Variants in JADE2 observed in about 807,000 individuals in gnomAD.
The protein encoded by JADE2 is E3 ubiquitin-protein ligase Jade-2.
A neutral mutation model predicts 85.7 loss-of-function variants in JADE2; 13 were observed. The observed-to-expected ratio is 0.15, with a 90% confidence interval of 0.10 to 0.24. The LOEUF (loss-of-function observed/expected upper bound fraction) is 0.24, where lower values mean the gene tolerates loss of function less well. Among genes scored for constraint, JADE2 ranks in the 10% least tolerant of loss-of-function variants. The pLI is 1.00. For synonymous variants in JADE2, 440 were observed against 456.1 expected, an observed-to-expected ratio of 0.96 and a Z score of 0.45; for missense variants, 846 against 1,115.9, an observed-to-expected ratio of 0.76 and a Z score of 3.45.
intron 6 of JADE2, among the ~76,000 whole-genome samples, chr5:134,561,975 G>A (rs1763349881): frequency 6.6e-6 from 1 of 152,148 alleles, no homozygotes; most frequent in Non-Finnish European, 1.5e-5. Context: ...GTTCACAGAG[G>A]ACTGAAATGG....
At chr5:134,530,514 G>A (rs1172812453) in intron 1 of JADE2, among the ~76,000 whole-genome samples, 1 of 152,218 alleles carries the variant, frequency 6.6e-6, no homozygotes, top group Non-Finnish European at 1.5e-5. Flanking sequence ...TGGCTGCAGT[G>A]GCAGGCCTGA....
Position 134,578,410 on chromosome 5 carries a change from G to A in JADE2, c.1682-84G>A, listed in dbSNP as rs1434441296. 6.0e-6 allele frequency: 6 copies of A among 997,270 alleles called. No homozygotes were observed. Among genetic ancestry groups the A allele is most frequent in the African/African-American group, 1.6e-5 (1 of 61,506 alleles). The allele number at this position is 997,270 out of a possible 1,614,324, so 61.8% of individuals were successfully genotyped here. The stretch of plus-strand genomic sequence containing the variant: ...GGACAGAGAGAAGACGATGCCTGGT[G>A]GTGTGCTGGGAGCGTCAGTGGGCTT... On this transcript the variant is annotated intron_variant, in intron 11 of 11. Coordinates refer to ENST00000681547, the MANE Select transcript of JADE2 (RefSeq NM_001388185.1). The surrounding 1 kb of genome is among the most constrained non-coding windows in gnomAD (Gnocchi z 4.4).
chr5:134,530,618 C>A (rs889626317), intron 1 of JADE2, among the ~76,000 whole-genome samples: 7 of 152,186 alleles, frequency 4.6e-5, no homozygotes, highest in African/African-American at 1.7e-4. Context: ...TTAAAGGGGG[C>A]TGGCATTGGG....
chr5:134,552,532 ATAAC>A (rs1401603555), intron 4 of JADE2, among the ~76,000 whole-genome samples: 7 of 152,200 alleles, frequency 4.6e-5, no homozygotes, highest in Admixed American at 2.0e-4. Context: ...AATGCTAACA[ATAAC>A]TAACCTACTC....
chr5:134,526,214 TG>T (rs1760803680), intron 1 of JADE2: 1 of 985,142 alleles, frequency 1.0e-6, no homozygotes, highest in South Asian at 4.7e-5. Flanking sequence ...TTGCGCATGT[TG>T]GTCAGTCGTG....
chr5:134,561,099 G>A, intron 6 of JADE2, 142 bp downstream of exon 6: 1 of 719,896 alleles, frequency 1.4e-6, no homozygotes, highest in Non-Finnish European at 2.3e-6. Context: ...ATGCTTCATG[G>A]TACCATGTGC....
intron 10 of JADE2, chr5:134,574,338 C>T (rs757022559): frequency 7.4e-5 from 13 of 175,494 alleles, no homozygotes; most frequent in Admixed American, 3.1e-4. Context: ...CTGAAGGAAG[C>T]GCTGACATTG....
At chr5:134,548,459 C>A (rs554961320) in intron 3 of JADE2, among the ~76,000 whole-genome samples, 134 of 152,292 alleles carry the variant, frequency 8.8e-4, no homozygotes, top group African/African-American at 3.1e-3. Context: ...AATTCAGGAA[C>A]AGCGTTTACA....
intron 10 of JADE2, chr5:134,574,858 G>A (rs944606839): frequency 6.6e-6 from 1 of 152,332 alleles, no homozygotes; most frequent in Admixed American, 6.5e-5. Flanking sequence ...TCTGGAGAGA[G>A]AGAGGAATGT....
chr5:134,544,131 A>C (rs918854654), intron 3 of JADE2, among the ~76,000 whole-genome samples: 3 of 152,228 alleles, frequency 2.0e-5, no homozygotes, highest in Non-Finnish European at 1.5e-5. Context: ...TGAGGTAGAA[A>C]GCTGCATTTT....
chr5:134,573,442 A>G (rs539326895), intron 9 of JADE2, among the ~76,000 whole-genome samples: 9 of 152,214 alleles, frequency 5.9e-5, no homozygotes, highest in African/African-American at 2.2e-4. Flanking sequence ...GTTTGGCCTT[A>G]GGTTTTGGAT....
chr5:134,535,914 C>T lies in JADE2; in HGVS notation c.57C>T (p.Asp19=). Residue 19 remains aspartate (D), a splice_region_variant and synonymous_variant, in exon 2 of 12, where the codon GAC becomes GAT. Transcript: ENST00000681547. ...GCAGTGACAACTCTGACACCACTGA[C>T]AGTAAGGCCTTCCAGTTTGGGCTCC... ...SISSDNSDTT[D]SHATSTSASR... 2 of 1,613,542 alleles carry T rather than the reference C, an allele frequency of 1.2e-6. No homozygotes were observed. Among genetic ancestry groups the T allele is most frequent in the South Asian group, 1.1e-5 (1 of 91,058 alleles).
In JADE2 at chr5:134,579,500, G is replaced by C; in HGVS notation, c.*183G>C. 1.7e-6 allele frequency: 1 copy of C among 588,876 alleles called. No individual in the cohort carries two copies. 36.5% of individuals were successfully genotyped at this position (588,876 alleles called of 1,614,324 possible). On this transcript the variant is annotated 3_prime_UTR_variant, in exon 12 of 12. Coordinates refer to ENST00000681547, the MANE Select transcript of JADE2 (RefSeq NM_001388185.1). This position sits in a 1 kb window ranked among gnomAD's most constrained non-coding sequence, Gnocchi z 4.6. ...ACACTGTTGTCTTTCCTCTGTGCTG[G>C]CCTAGGACATTAGGATTCCTTCCAC...
intron 3 of JADE2, chr5:134,544,296 GGA>G (rs1397827061): frequency 6.5e-6 from 1 of 153,438 alleles, no homozygotes; most frequent in African/African-American, 2.4e-5. Flanking sequence ...CTGTCCCTGG[GGA>G]GCTTGTCCTT....
intron 4 of JADE2, among the ~76,000 whole-genome samples, chr5:134,558,831 C>G (rs1350424610): frequency 6.6e-6 from 1 of 152,260 alleles, no homozygotes; most frequent in Non-Finnish European, 1.5e-5. Flanking sequence ...AGCCACCACG[C>G]CCAGCCTGGT....
At chr5:134,576,113 C>T (rs992185165) in intron 10 of JADE2, among the ~76,000 whole-genome samples, 2 of 152,020 alleles carry the variant, frequency 1.3e-5, no homozygotes, top group Admixed American at 6.6e-5. Context: ...GCTGGAGGAT[C>T]GCTTGAGCCT....
At chr5:134,574,868 T>G (rs1334062747) in intron 10 of JADE2, 1 of 152,294 alleles carries the variant, frequency 6.6e-6, no homozygotes, top group African/African-American at 2.4e-5. Flanking sequence ...GAGAGGAATG[T>G]GGTATCGCAG....
chr5:134,536,517 G>A (rs1296606333), intron 2 of JADE2: 1 of 152,282 alleles, frequency 6.6e-6, no homozygotes, highest in African/African-American at 2.4e-5. Flanking sequence ...GCGGGGAGGG[G>A]TGCGTGGATT....
intron 1 of JADE2, among the ~76,000 whole-genome samples, chr5:134,531,276 T>C (rs1291951824): frequency 6.6e-6 from 1 of 151,992 alleles, no homozygotes; most frequent in African/African-American, 2.4e-5. Flanking sequence ...TAGAAGGTGG[T>C]GAGGAAGGGG....
Sources: allele counts gnomAD v4.1 joint callset (sites outside exome capture counted in the v4.1 genomes callset), GRCh38; gene constraint gnomAD v4.1.1; non-coding constraint Gnocchi (gnomAD v3.1); transcripts MANE v1.5; gene names NCBI Gene and HGNC (gene_info 2026-07-23, HGNC 2026-07-21).